The following PLCB4 variants were observed in gnomAD, a reference collection of about 807,000 sequenced individuals.
PLCB4 encodes the protein phospholipase C beta 4.
A neutral mutation model predicts 178.8 loss-of-function variants in PLCB4; 77 were observed. The ratio of observed to expected loss-of-function variants is 0.43; its 90% CI spans 0.36 to 0.52. The LOEUF is 0.52. Among genes scored for constraint, PLCB4 ranks in the 20% least tolerant of loss-of-function variants. The pLI, the probability that PLCB4 is intolerant of heterozygous loss-of-function variation, is 0.00. For missense variants in PLCB4, 1,024 were observed against 1,453.4 expected (o/e 0.70, Z 4.80); for synonymous variants, 496 against 490.8 (o/e 1.01, Z -0.14).
At chr20:9,180,768 A>G (rs2093233160) in intron 2 of PLCB4, among the ~76,000 whole-genome samples, 1 of 152,178 alleles carries the variant, frequency 6.6e-6, no homozygotes, top group African/African-American at 2.4e-5. Flanking sequence ...TTTTGCAAGA[A>G]AAAGCTCCTC....
Position 9,174,405 on chromosome 20 carries a change from A to G in PLCB4, c.-78-42985A>G, listed in dbSNP as rs2093118679. Among the ~76,000 whole-genome samples, 4 of 150,968 alleles carry G rather than the reference A, an allele frequency of 2.6e-5. No homozygotes were observed. The South Asian group carries it at 8.4e-4, about 32-fold the overall frequency. On this transcript the variant is annotated intron_variant, in intron 2 of 39. Transcript: ENST00000378473. ...AAGAAATCCTCTACCTCTACCTCCCAAAGTGCTGGGATTACAGGTGTGAGC... is the reference window on the plus strand; with the variant it reads ...AAGAAATCCTCTACCTCTACCTCCCGAAGTGCTGGGATTACAGGTGTGAGC...
rs538323250 is a variant in PLCB4, at chr20:9,312,134, T to A, written c.84+4236T>A. On this transcript the variant is annotated intron_variant, in intron 4 of 39. Transcript: ENST00000378473. ...TCTCCAGAATTCATCAGCCAGTTCT[T>A]CTTAGGGGCAGCCAGAGCAGGGGTT... 2.0e-5 allele frequency among the ~76,000 whole-genome samples: 3 copies of A among 152,146 alleles called. No individual in the cohort carries two copies. The East Asian group carries it at 5.8e-4, about 29-fold the overall frequency.
intron 3 of PLCB4, among the ~76,000 whole-genome samples, chr20:9,304,245 G>T (rs192307318): frequency 6.6e-6 from 1 of 151,626 alleles, no homozygotes; most frequent in Non-Finnish European, 1.5e-5. Flanking sequence ...GTGTGGGGGG[G>T]TGTGAATGTT....
At chr20:9,406,488 A>C (rs1241945054) in intron 21 of PLCB4, among the ~76,000 whole-genome samples, 1 of 148,148 alleles carries the variant, frequency 6.8e-6, no homozygotes, top group Non-Finnish European at 1.5e-5. Flanking sequence ...AAACAAATTG[A>C]CCATTTTTTT....
At chr20:9,441,730 T>G (rs1414232237) in intron 30 of PLCB4, among the ~76,000 whole-genome samples, 1 of 152,146 alleles carries the variant, frequency 6.6e-6, no homozygotes, top group African/African-American at 2.4e-5. Flanking sequence ...AAGGGATAAA[T>G]TCTCGGCATT....
At chr20:9,264,805 A>G (rs1189392746) in intron 3 of PLCB4, among the ~76,000 whole-genome samples, 1 of 152,100 alleles carries the variant, frequency 6.6e-6, no homozygotes, top group East Asian at 1.9e-4. Context: ...GTCCAGAGTA[A>G]TTGCTCTGGG....
At chr20:9,224,252 C>T (rs1333880996) in intron 3 of PLCB4, among the ~76,000 whole-genome samples, 13 of 152,152 alleles carry the variant, frequency 8.5e-5, no homozygotes, top group African/African-American at 2.2e-4. Context: ...GCTCTGGGAG[C>T]GCTGTGGTAT....
At chr20:9,371,464 C>T (rs1445276913) in intron 10 of PLCB4, among the ~76,000 whole-genome samples, 169 bp downstream of exon 10, 1 of 152,054 alleles carries the variant, frequency 6.6e-6, no homozygotes, top group African/African-American at 2.4e-5. Flanking sequence ...CTCCCTCTCC[C>T]TTCCTCTCTC....
chr20:9,241,157 A>G (rs527971440), intron 3 of PLCB4, among the ~76,000 whole-genome samples: 2 of 152,308 alleles, frequency 1.3e-5, no homozygotes, highest in South Asian at 4.2e-4. Context: ...CTTAACTACA[A>G]AGGAAATGCT....
At chr20:9,397,672 T>A (rs138309137) in intron 19 of PLCB4, among the ~76,000 whole-genome samples, 5 of 152,326 alleles carry the variant, frequency 3.3e-5, no homozygotes, top group African/African-American at 9.6e-5. Flanking sequence ...AGTCCTTGGG[T>A]TTGACATTAC....
chr20:9,469,305 T>A (rs1299162687), intron 36 of PLCB4, among the ~76,000 whole-genome samples: 1 of 152,158 alleles, frequency 6.6e-6, no homozygotes, highest in Non-Finnish European at 1.5e-5. Flanking sequence ...TTCTGAAGCA[T>A]CCTTCCCAGG....
intron 1 of PLCB4, among the ~76,000 whole-genome samples, chr20:9,072,472 A>G (rs1190642897): frequency 6.6e-6 from 1 of 152,028 alleles, no homozygotes; most frequent in Non-Finnish European, 1.5e-5. Context: ...TAGCTAACCA[A>G]GTATAAAAAT....
chr20:9,078,844 G>T (rs1405404930), intron 1 of PLCB4, among the ~76,000 whole-genome samples: 2 of 152,160 alleles, frequency 1.3e-5, no homozygotes, highest in Non-Finnish European at 2.9e-5. Context: ...CTCAGTCAGG[G>T]TTAGTGAGTC....
intron 1 of PLCB4, among the ~76,000 whole-genome samples, chr20:9,088,068 G>T (rs2090512637): frequency 6.6e-6 from 1 of 152,192 alleles, no homozygotes; most frequent in Non-Finnish European, 1.5e-5. Context: ...CAGCCAATCT[G>T]ATGCACAAGC....
At chr20:9,437,949 C>G (rs1287353950) in intron 30 of PLCB4, among the ~76,000 whole-genome samples, 2 of 152,112 alleles carry the variant, frequency 1.3e-5, no homozygotes, top group African/African-American at 4.8e-5. Context: ...TCCCTGGAAC[C>G]ATGCCTAGTT....
intron 3 of PLCB4, among the ~76,000 whole-genome samples, chr20:9,296,041 A>C (rs558088778): frequency 6.6e-6 from 1 of 152,342 alleles, no homozygotes; most frequent in East Asian, 1.9e-4. Context: ...TCTGCACAGC[A>C]AAAGAAACTA....
chr20:9,373,691 A>C (rs2036438790), intron 12 of PLCB4, among the ~76,000 whole-genome samples: 2 of 152,222 alleles, frequency 1.3e-5, no homozygotes, highest in African/African-American at 2.4e-5. Flanking sequence ...TTTTCTTTTT[A>C]TAACAAGCTC....
intron 2 of PLCB4, among the ~76,000 whole-genome samples, chr20:9,205,440 A>G (rs1270044287): frequency 6.6e-6 from 1 of 152,248 alleles, no homozygotes; most frequent in Non-Finnish European, 1.5e-5. Flanking sequence ...TATTATTAAA[A>G]TTAAATTTAC....
chr20:9,159,539 A>C (rs986678066), intron 2 of PLCB4, among the ~76,000 whole-genome samples: 1 of 152,214 alleles, frequency 6.6e-6, no homozygotes, highest in Admixed American at 6.5e-5. Flanking sequence ...AACATACTTA[A>C]GACTCATCAG....
Sources: allele counts gnomAD v4.1 joint callset (sites outside exome capture counted in the v4.1 genomes callset), GRCh38; gene constraint gnomAD v4.1.1; transcripts MANE v1.5; gene names NCBI Gene and HGNC (gene_info 2026-07-23, HGNC 2026-07-21).